Variants in INSC observed in about 807,000 individuals in gnomAD.
INSC encodes protein inscuteable homolog.
INSC carries 67 observed loss-of-function variants against 58.6 expected under a neutral mutation model. The observed-to-expected ratio is 1.14, with a 90% CI of 0.94 to 1.40. INSC has a LOEUF of 1.40. Ranked by LOEUF, INSC falls within the 40% of genes most tolerant of loss-of-function variation. The pLI, the probability that INSC is intolerant of heterozygous loss-of-function variation, is 0.00. For synonymous variants in INSC, 262 were observed against 276.1 expected (o/e 0.95, Z 0.51); for missense variants, 714 against 692.0 (o/e 1.03, Z -0.36).
At chr11:15,137,238 A>G (rs912138836) in intron 1 of INSC, among the ~76,000 whole-genome samples, 1 of 152,198 alleles carries the variant, frequency 6.6e-6, no homozygotes, top group African/African-American at 2.4e-5. Context: ...TGTTACATTT[A>G]CAGAGAATAG....
chr11:15,159,085 C>T (rs1403861598), intron 2 of INSC, among the ~76,000 whole-genome samples: 1 of 152,076 alleles, frequency 6.6e-6, no homozygotes, highest in African/African-American at 2.4e-5. Flanking sequence ...CCTGGGGGCC[C>T]GTTTGGAGGG....
chr11:15,201,047 G>A, intron 7 of INSC, 98 bp downstream of exon 7: 1 of 1,410,904 alleles, frequency 7.1e-7, no homozygotes. Context: ...CATGGACCAA[G>A]TGCCTCGAGT....
chr11:15,177,339 C>G (rs1442209400), intron 4 of INSC, among the ~76,000 whole-genome samples, 176 bp downstream of exon 4: 4 of 152,044 alleles, frequency 2.6e-5, no homozygotes, highest in Non-Finnish European at 5.9e-5. Context: ...TTTTCTGCCC[C>G]ATGTTCAGGC....
chr11:15,174,096 T>G (rs1590398113), intron 2 of INSC, among the ~76,000 whole-genome samples: 1 of 151,802 alleles, frequency 6.6e-6, no homozygotes, highest in East Asian at 2.0e-4. Flanking sequence ...CAACTCATCT[T>G]CCACCTTGGC....
At chr11:15,140,946 C>T (rs1407739648) in intron 1 of INSC, among the ~76,000 whole-genome samples, 1 of 152,052 alleles carries the variant, frequency 6.6e-6, no homozygotes, top group African/African-American at 2.4e-5. Flanking sequence ...GCTTCTGGCT[C>T]CTCATCTGAA....
chr11:15,154,534 T>G (rs1385695966), intron 2 of INSC, among the ~76,000 whole-genome samples: 1 of 152,184 alleles, frequency 6.6e-6, no homozygotes, highest in Non-Finnish European at 1.5e-5. Flanking sequence ...TTAAGAAGTA[T>G]TTTTAGTCTT....
chr11:15,195,856 T>C (rs1850351181), intron 6 of INSC, among the ~76,000 whole-genome samples: 1 of 152,240 alleles, frequency 6.6e-6, no homozygotes, highest in South Asian at 2.1e-4. Flanking sequence ...GGGCTGTATA[T>C]TTAAGACACC....
intron 1 of INSC, among the ~76,000 whole-genome samples, chr11:15,121,582 T>TC (rs1847875785): frequency 3.3e-5 from 5 of 152,226 alleles, no homozygotes; most frequent in Admixed American, 3.3e-4. Context: ...TATTATTTTT[T>TC]CTCTCTGGAA....
intron 2 of INSC, among the ~76,000 whole-genome samples, chr11:15,170,890 C>T (rs1035833198): frequency 6.6e-6 from 1 of 152,184 alleles, no homozygotes; most frequent in Non-Finnish European, 1.5e-5. Flanking sequence ...CACTGGTAGG[C>T]ACAAACACGC....
At chr11:15,154,248 G>C (rs1474733835) in intron 2 of INSC, among the ~76,000 whole-genome samples, 1 of 152,208 alleles carries the variant, frequency 6.6e-6, no homozygotes, top group African/African-American at 2.4e-5. Context: ...ATAGCTGTTT[G>C]ATAAATGAAT....
At chr11:15,149,028 C>T (rs1177281432) in intron 1 of INSC, 102 bp from the exon 2 acceptor site, 8 of 1,355,656 alleles carry the variant, frequency 5.9e-6, no homozygotes, top group Non-Finnish European at 7.7e-6. Flanking sequence ...GAAGTCTTAC[C>T]TCTTTGTCTG....
chr11:15,176,429 C>T (rs992826130), intron 3 of INSC, among the ~76,000 whole-genome samples: 1 of 152,030 alleles, frequency 6.6e-6, no homozygotes, highest in Admixed American at 6.6e-5. Context: ...CAGCAAGTTA[C>T]TTAACTTCTC....
chr11:15,250,211 A>AT (rs139906596), downstream of INSC, among the ~76,000 whole-genome samples: 778 of 152,316 alleles, frequency 5.1e-3, 9 homozygotes, highest in African/African-American at 0.017. Context: ...GGATTCCTCC[A>AT]TGAGTTAAAA....
chr11:15,262,511 G>A, the INSC span, among the ~76,000 whole-genome samples: 1 of 152,124 alleles, frequency 6.6e-6, no homozygotes. Flanking sequence ...GGGTAAGTTA[G>A]AAATAAACCC....
chr11:15,130,177 A>C (rs925520088), intron 1 of INSC, among the ~76,000 whole-genome samples: 21 of 152,246 alleles, frequency 1.4e-4, no homozygotes, highest in Admixed American at 1.4e-3. Context: ...ATCTCACAGG[A>C]AATGCTTTCA....
chr11:15,229,964 ATATATATATATATATTAT>A (rs1851805944), intron 9 of INSC, among the ~76,000 whole-genome samples: 2 of 15,698 alleles, frequency 1.3e-4, no homozygotes, highest in African/African-American at 5.2e-4. Context: ...ATATATTTAT[ATATATATATATATATTAT>A]ATATATATAT....
In INSC at chr11:15,190,777, C is replaced by T; in HGVS notation, c.656C>T (p.Thr219Ile). Reference sequence around the variant, plus strand: ...ACCACAGGGAACCTGTTCAGCCTGACCCAGGAGGGGGCTCCCTTGTGCCGC... The same window carrying T: ...ACCACAGGGAACCTGTTCAGCCTGATCCAGGAGGGGGCTCCCTTGTGCCGC... ...ESTTGNLFSL[T>I]QEGAPLCRII... The change falls in exon 6 of 13, where the codon ACC becomes ATC. Residue 219 changes from threonine to isoleucine, a missense_variant. By Grantham distance (89) the Thr-to-Ile change is moderately conservative (BLOSUM62 -1). Coordinates refer to ENST00000379556, the MANE Select transcript of INSC (RefSeq NM_001042536.3). The T allele has an allele frequency of 6.2e-7, 1 of 1,613,824 alleles. No homozygotes were observed. Among genetic ancestry groups the T allele is most frequent in the Non-Finnish European group, 8.5e-7 (1 of 1,179,744 alleles).
chr11:15,236,469 G>A (rs1852135328), intron 10 of INSC, among the ~76,000 whole-genome samples: 1 of 152,238 alleles, frequency 6.6e-6, no homozygotes, highest in African/African-American at 2.4e-5. Context: ...GAGAATGGGA[G>A]AGCAGGTCAG....
At chr11:15,114,790 G>C, upstream of INSC, 1 of 248,330 alleles carries the variant, frequency 4.0e-6, no homozygotes. Context: ...ACCAAGGCTT[G>C]GCAGGGAGCG....
Sources: gnomAD v4.1 joint callset for allele counts (sites outside exome capture counted in the v4.1 genomes callset) on GRCh38, gnomAD v4.1.1 for gene constraint, MANE v1.5 for transcripts, NCBI Gene and HGNC (gene_info 2026-07-23, HGNC 2026-07-21) for gene names.